RANBP10: variants seen among roughly 807,000 people sequenced by gnomAD.
RANBP10 encodes the protein RAN binding protein 10.
RANBP10 carries 24 observed loss-of-function variants against 72.8 expected under a neutral mutation model. That is an observed-to-expected ratio of 0.33 (90% CI 0.24 to 0.46). RANBP10 has a LOEUF of 0.46. Ranked by LOEUF, RANBP10 falls within the 20% of genes least tolerant of loss-of-function variation. The pLI, the probability that RANBP10 is intolerant of heterozygous loss-of-function variation, is 1.00. For missense variants in RANBP10, 679 were observed against 817.5 expected (o/e 0.83, Z 2.07); for synonymous variants, 310 against 322.3 (o/e 0.96, Z 0.41).
At chr16:67,776,593 T>G (rs923378304) in intron 2 of RANBP10, among the ~76,000 whole-genome samples, 1 of 145,320 alleles carries the variant, frequency 6.9e-6, no homozygotes, top group East Asian at 2.1e-4. Flanking sequence ...GCCAACATGG[T>G]GAAACCCTGT....
chr16:67,737,192 CTTTTTTTTTTTT>C (rs71145979), intron 5 of RANBP10, among the ~76,000 whole-genome samples: 3 of 75,966 alleles, frequency 3.9e-5, no homozygotes, highest in East Asian at 3.5e-4. Context: ...CCATCCTTTT[CTTTTTTTTTTTT>C]TTTTTTTTTT....
intron 4 of RANBP10, among the ~76,000 whole-genome samples, chr16:67,743,975 C>A (rs2054018471): frequency 6.6e-6 from 1 of 152,184 alleles, no homozygotes; most frequent in African/African-American, 2.4e-5. Flanking sequence ...GCAACCTATG[C>A]AAGGGTTCCC....
intron 4 of RANBP10, chr16:67,740,040 G>T (rs2053936655): frequency 1.3e-5 from 2 of 151,524 alleles, no homozygotes; most frequent in East Asian, 3.9e-4. Context: ...CTGTCGCCCA[G>T]GCTGGAGTGC....
At chr16:67,805,362 A>C (rs549855317) in intron 2 of RANBP10, 66 bp downstream of exon 2, 1 of 1,426,156 alleles carries the variant, frequency 7.0e-7, no homozygotes, top group South Asian at 1.2e-5. Flanking sequence ...CAGCCAAAGG[A>C]CCTGAACTCT....
In RANBP10 at chr16:67,729,366, G is replaced by C. The variant is rs775356231; in HGVS notation, c.1266C>G (p.Ser422=). Residue 422 remains serine, a synonymous_variant, in exon 10 of 14, where the codon TCC becomes TCG. Transcript: ENST00000317506. This position sits in a 1 kb window ranked among gnomAD's most constrained non-coding sequence, Gnocchi z 7.1. ...ACTCGGAGTAATTGACGGAGGATGG[G>C]GAAGAGGACGAGGAGGAGGAGGAGG... ...SSSSSSSSSS[S]PSSVNYSESN... is the part of the protein sequence containing the mutation. 5.0e-6 allele frequency: 8 copies of C among 1,612,894 alleles called. 1 individual carries two copies. Among genetic ancestry groups the C allele is most frequent in the South Asian group, 3.3e-5 (3 of 91,000 alleles).
chr16:67,791,036 CAG>C (rs1215979796), intron 2 of RANBP10, among the ~76,000 whole-genome samples: 1 of 135,436 alleles, frequency 7.4e-6, no homozygotes, highest in African/African-American at 2.8e-5. Flanking sequence ...TTTTTTGAGA[CAG>C]AGTCTCGCTC....
intron 10 of RANBP10, 88 bp from the exon 11 acceptor site, chr16:67,728,599 TTGCTG>T (rs1567671125): frequency 1.2e-6 from 2 of 1,601,386 alleles, no homozygotes; most frequent in East Asian, 4.5e-5. Flanking sequence ...TAGCCATGGG[TTGCTG>T]TGGGTGAACC....
chr16:67,798,175 A>C (rs1172897028), intron 2 of RANBP10, among the ~76,000 whole-genome samples: 1 of 152,050 alleles, frequency 6.6e-6, no homozygotes, highest in East Asian at 1.9e-4. Flanking sequence ...ATCTGCCTGT[A>C]AGACCATCAA....
intron 5 of RANBP10, 39 bp from the exon 6 acceptor site, chr16:67,735,081 C>A (rs779176664): frequency 6.5e-7 from 1 of 1,533,776 alleles, no homozygotes. Context: ...GCCCTGAGGG[C>A]AGTGGGGTTC....
chr16:67,734,830 T>G (rs775630206), intron 6 of RANBP10, 28 bp downstream of exon 6: 7 of 1,507,904 alleles, frequency 4.6e-6, no homozygotes, highest in East Asian at 2.4e-5. Context: ...GGGGTGGGAG[T>G]GGGTAAGGGC....
At chr16:67,805,158 A>C (rs2055331765) in intron 2 of RANBP10, among the ~76,000 whole-genome samples, 1 of 152,222 alleles carries the variant, frequency 6.6e-6, no homozygotes, top group African/African-American at 2.4e-5. Context: ...CTAAATTTTT[A>C]AAGTAAACTT....
intron 3 of RANBP10, among the ~76,000 whole-genome samples, chr16:67,763,962 G>C (rs1332945509): frequency 6.6e-6 from 1 of 152,196 alleles, no homozygotes; most frequent in African/African-American, 2.4e-5. Flanking sequence ...CGCCCAAAGT[G>C]CTGGGATTAC....
intron 2 of RANBP10, among the ~76,000 whole-genome samples, chr16:67,774,868 TGA>T (rs1198834452): frequency 6.6e-6 from 1 of 152,134 alleles, no homozygotes; most frequent in Non-Finnish European, 1.5e-5. Flanking sequence ...CCAACCAATC[TGA>T]GAGAAACAAA....
intron 2 of RANBP10, among the ~76,000 whole-genome samples, chr16:67,787,293 A>G (rs2143017053): frequency 6.6e-6 from 1 of 152,250 alleles, no homozygotes; most frequent in South Asian, 2.1e-4. Flanking sequence ...GGCTGAAGCA[A>G]GAGGATTGCT....
intron 5 of RANBP10, among the ~76,000 whole-genome samples, chr16:67,737,187 C>CTTTTTT (rs1567678347): frequency 1.6e-4 from 20 of 128,358 alleles, no homozygotes; most frequent in African/African-American, 6.9e-4. Flanking sequence ...AAACTCCATC[C>CTTTTTT]TTTTCTTTTT....
chr16:67,805,361 G>C, intron 2 of RANBP10, 67 bp downstream of exon 2: 1 of 1,418,564 alleles, frequency 7.0e-7, no homozygotes, highest in Non-Finnish European at 9.8e-7. Flanking sequence ...CCAGCCAAAG[G>C]ACCTGAACTC....
intron 2 of RANBP10, among the ~76,000 whole-genome samples, chr16:67,774,977 T>A (rs907060559): frequency 2.6e-5 from 4 of 151,996 alleles, no homozygotes; most frequent in Admixed American, 6.6e-5. Flanking sequence ...CTCAAGAAAG[T>A]AGGAATAAAA....
At chr16:67,766,113 T>C (rs1341163951) in intron 3 of RANBP10, among the ~76,000 whole-genome samples, 3 of 152,140 alleles carry the variant, frequency 2.0e-5, no homozygotes, top group Non-Finnish European at 4.4e-5. Context: ...AACCATCCAA[T>C]TGACCTGCAT....
rs1253566233 is a variant in RANBP10, at chr16:67,728,471, C to T, written c.1393G>A (p.Gly465Ser). 7 of 1,614,046 alleles carry T rather than the reference C, an allele frequency of 4.3e-6. No homozygotes were observed. Among genetic ancestry groups the T allele is most frequent in the South Asian group, 1.1e-5 (1 of 91,096 alleles). ...MEMEAEHYPN[G>S]VLGSMSTRIV... Reference sequence around the variant, plus strand: ...CGTGTGGACATGCTTCCTAGCACACCGTTGGGGTAGTGCTCTGCCTCCATC... The same window carrying T: ...CGTGTGGACATGCTTCCTAGCACACTGTTGGGGTAGTGCTCTGCCTCCATC... Residue 465 changes from glycine (G) to serine (S), a missense_variant, in exon 11 of 14, where the codon GGT becomes AGT. Transcript: ENST00000317506.
Sources: gnomAD v4.1 joint callset for allele counts (sites outside exome capture counted in the v4.1 genomes callset) on GRCh38, gnomAD v4.1.1 for gene constraint, Gnocchi (gnomAD v3.1) non-coding constraint, MANE v1.5 for transcripts, NCBI Gene and HGNC (gene_info 2026-07-23, HGNC 2026-07-21) for gene names.